IL6: variants seen among roughly 807,000 people sequenced by gnomAD.
IL6 encodes the protein interleukin-6.
In IL6, 5 loss-of-function variants were observed where a neutral mutation model predicts 18.0. The ratio of observed to expected loss-of-function variants is 0.28; its 90% confidence interval spans 0.15 to 0.58. The LOEUF is 0.58. IL6 is among the 20% of genes least tolerant of loss of function. IL6 has a pLI of 0.90. For synonymous variants in IL6, 97 were observed against 95.1 expected, an observed-to-expected ratio of 1.02 and a Z score of -0.12; for missense variants, 266 against 251.0, an observed-to-expected ratio of 1.06 and a Z score of -0.40.
chr7:22,727,326 G>T (rs551377783), intron 1 of IL6, 45 bp downstream of exon 1: 1 of 1,613,956 alleles, frequency 6.2e-7, no homozygotes, highest in South Asian at 1.1e-5. Flanking sequence ...AGCGGCGGTC[G>T]AGCCCTGTGT....
chr7:22,729,951 G>T, intron 4 of IL6: 1 of 1,352,920 alleles, frequency 7.4e-7, no homozygotes, highest in Non-Finnish European at 9.5e-7. Flanking sequence ...AAAGGCGGGG[G>T]GGCGGGCAGA....
chr7:22,730,485 T>A (rs1369115818), intron 4 of IL6: 2 of 157,506 alleles, frequency 1.3e-5, no homozygotes, highest in African/African-American at 4.8e-5. Flanking sequence ...TTATCCCATA[T>A]GGTGGGTCTA....
chr7:22,728,317 C>T (rs142217532), intron 2 of IL6, among the ~76,000 whole-genome samples: 3 of 152,304 alleles, frequency 2.0e-5, no homozygotes, highest in African/African-American at 7.2e-5. Flanking sequence ...ATAGATCCTT[C>T]CTGCTGGAAC....
chr7:22,728,613 G>T, intron 2 of IL6, 80 bp from the exon 3 acceptor site: 1 of 812,786 alleles, frequency 1.2e-6, no homozygotes, highest in Middle Eastern at 2.2e-4. Context: ...TCCTGGCTGT[G>T]GTTGAACAAT....
At chr7:22,730,137 T>A in intron 4 of IL6, 7 of 985,256 alleles carry the variant, frequency 7.1e-6, no homozygotes, top group Non-Finnish European at 7.2e-6. Context: ...GACTCAAGGG[T>A]GGAAAGAGGT....
chr7:22,731,760 T>A lies in IL6; in HGVS notation c.*187T>A. 3.2e-6 allele frequency: 1 copy of A among 315,936 alleles called. No individual in the cohort carries two copies. Among genetic ancestry groups the A allele is most frequent in the East Asian group, 5.2e-5 (1 of 19,090 alleles). 19.6% of individuals were successfully genotyped at this position (315,936 alleles called of 1,614,324 possible). ...AAGCTGAGTTAATTTATGTAAGTCATATTTATATTTTTAAGAAGTACCACT... is the reference window on the plus strand; with the variant it reads ...AAGCTGAGTTAATTTATGTAAGTCAAATTTATATTTTTAAGAAGTACCACT... On this transcript the variant is annotated 3_prime_UTR_variant, in exon 5 of 5. Coordinates refer to ENST00000258743, the MANE Select transcript of IL6 (RefSeq NM_000600.5).
intron 4 of IL6, chr7:22,729,899 G>T: frequency 2.4e-5 from 33 of 1,372,948 alleles, no homozygotes; most frequent in East Asian, 5.4e-5. Context: ...AACTGAGGTG[G>T]ATTTTAACAT....
rs200637969 is a variant in IL6 at position 22,727,448 on chromosome 7, C to A, written c.24C>A (p.Ala8=). 5.6e-6 allele frequency: 9 copies of A among 1,613,842 alleles called. No homozygotes were observed. The highest frequency in any genetic ancestry group is 4.4e-5 in the South Asian group (4 of 91,076). MNSFSTS[A]FGPVAFSLGL... ...GCTCGCTCCCCTCCGGCACAGGCGC[C>A]TTCGGTCCAGTTGCCTTCTCCCTGG... The change falls in exon 2 of 5, where the codon GCC becomes GCA. Residue 8 remains alanine, a synonymous_variant. Transcript: ENST00000258743.
rs771259468 is a variant in IL6, at chr7:22,727,679, G to A, written c.210+45G>A. 3.3e-6 allele frequency: 5 copies of A among 1,520,622 alleles called. No homozygotes were observed. The South Asian group carries it at 4.0e-5, about 12-fold the overall frequency. 94.2% of individuals were successfully genotyped at this position (1,520,622 alleles called of 1,614,324 possible). A position where few individuals can be genotyped will look rare whatever the true frequency, so the allele number is the denominator to read the frequency against. On this transcript the variant is annotated intron_variant, in intron 2 of 4. Coordinates refer to ENST00000258743, the MANE Select transcript of IL6 (RefSeq NM_000600.5). ...GGGTTGAAGGGCCCGGTGCGCATGC[G>A]TTCCCCTTGCCCCTGCGTGTGGCCG...
At chr7:22,730,939 A>T (rs1784113436) in intron 4 of IL6, among the ~76,000 whole-genome samples, 1 of 152,128 alleles carries the variant, frequency 6.6e-6, no homozygotes, top group South Asian at 2.1e-4. Flanking sequence ...CAAAGGGATG[A>T]TTAGAAGTTG....
chr7:22,730,053 A>T (rs1367376054), intron 4 of IL6: 2 of 985,306 alleles, frequency 2.0e-6, no homozygotes, highest in Non-Finnish European at 2.4e-6. Flanking sequence ...GCCAAGTGAC[A>T]TTCTTCTCAC....
At chr7:22,730,259 T>G (rs762521592) in intron 4 of IL6, 33 of 985,394 alleles carry the variant, frequency 3.3e-5, no homozygotes, top group Non-Finnish European at 4.0e-5. Flanking sequence ...AATGAAACCC[T>G]TGGTGCTGAT....
In IL6 at chr7:22,727,553, C is replaced by T. The variant is rs2128174110; in HGVS notation, c.129C>T (p.His43=). ...GEDSKDVAAP[H]RQPLTSSERI... ...ATTCCAAAGATGTAGCCGCCCCACA[C>T]AGACAGCCACTCACCTCTTCAGAAC... The change falls in exon 2 of 5, where the codon CAC becomes CAT. Residue 43 remains histidine, a synonymous_variant. Transcript: ENST00000258743. 1 of 1,610,726 alleles carries T rather than the reference C, an allele frequency of 6.2e-7. No individual in the cohort carries two copies.
chr7:22,731,061 C>A (rs1483112379), intron 4 of IL6, among the ~76,000 whole-genome samples: 11 of 151,926 alleles, frequency 7.2e-5, no homozygotes, highest in African/African-American at 2.7e-4. Flanking sequence ...CATGGTAAAA[C>A]CCCATCTCTA....
chr7:22,727,370 G>A (rs771313761), intron 1 of IL6, 74 bp from the exon 2 acceptor site: 156 of 1,613,272 alleles, frequency 9.7e-5, no homozygotes, highest in East Asian at 1.6e-4. Flanking sequence ...GAGGGCTGGC[G>A]GGCGGCCAGC....
rs1387789708 is a variant in IL6, at chr7:22,731,656, G to GTT, written c.*84_*85dup. ...GTCCACTGGGCACAGAACTTATGTT[G>GTT]TTCTCTATGGAGAACTAAAAGTATG... On this transcript the variant is annotated 3_prime_UTR_variant, in exon 5 of 5. Transcript: ENST00000258743. The GTT allele has an allele frequency of 3.1e-6, 3 of 978,564 alleles. No homozygotes were observed. Among genetic ancestry groups the GTT allele is most frequent in the Admixed American group, 6.7e-5 (2 of 29,670 alleles). The allele number at this position is 978,564 out of a possible 1,614,324, so 60.6% of individuals were successfully genotyped here.
chr7:22,727,664 G>A lies in IL6; in HGVS notation c.210+30G>A, dbSNP rs34277345. The A allele has an allele frequency of 1.5e-4, 228 of 1,526,108 alleles. No homozygotes were observed. The African/African-American group carries it at 2.7e-3, about 18-fold the overall frequency. 94.5% of individuals were successfully genotyped at this position (1,526,108 alleles called of 1,614,324 possible). Reference sequence around the variant, plus strand: ...GTAGGCTTGGCGATGGGGTTGAAGGGCCCGGTGCGCATGCGTTCCCCTTGC... The same window carrying A: ...GTAGGCTTGGCGATGGGGTTGAAGGACCCGGTGCGCATGCGTTCCCCTTGC... On this transcript the variant is annotated intron_variant, in intron 2 of 4. Transcript: ENST00000258743.
At chr7:22,727,355 C>T (rs777036221) in intron 1 of IL6, 74 bp downstream of exon 1, 4 of 1,613,644 alleles carry the variant, frequency 2.5e-6, no homozygotes, top group African/African-American at 1.3e-5. Context: ...GGTGTGTGGC[C>T]CAGGGAGGGC....
At position 22,731,468 on chromosome 7, in the gene IL6, G is replaced by A. The variant is rs767175665; in HGVS notation, c.534G>A (p.Lys178=). The change falls in exon 5 of 5, where the codon AAG becomes AAA. Residue 178 remains lysine (K), a synonymous_variant. Coordinates refer to ENST00000258743, the MANE Select transcript of IL6 (RefSeq NM_000600.5). The part of the protein sequence containing the change: ...DPTTNASLLT[K]LQAQNQWLQD... ...CCACAAATGCCAGCCTGCTGACGAAGCTGCAGGCACAGAACCAGTGGCTGC... is the reference window on the plus strand; with the variant it reads ...CCACAAATGCCAGCCTGCTGACGAAACTGCAGGCACAGAACCAGTGGCTGC... 6.2e-7 allele frequency: 1 copy of A among 1,607,766 alleles called. No homozygotes were observed. Among genetic ancestry groups the A allele is most frequent in the South Asian group, 1.1e-5 (1 of 90,262 alleles).
Sources: gnomAD v4.1 joint callset for allele counts (sites outside exome capture counted in the v4.1 genomes callset) on GRCh38, gnomAD v4.1.1 for gene constraint, MANE v1.5 for transcripts, NCBI Gene and HGNC (gene_info 2026-07-23, HGNC 2026-07-21) for gene names.